FRYL: variants seen among roughly 807,000 people sequenced by gnomAD.
FRYL encodes protein furry homolog-like.
In FRYL, 150 loss-of-function variants were observed where a neutral mutation model predicts 351.2. That is an observed-to-expected ratio of 0.43 (90% CI 0.37 to 0.49). The LOEUF (loss-of-function observed/expected upper bound fraction) is 0.49, where lower values mean the gene tolerates loss of function less well. FRYL is among the 20% of genes least tolerant of loss of function. The pLI, the probability that FRYL is intolerant of heterozygous loss-of-function variation, is 0.00. For synonymous variants in FRYL, 1,153 were observed against 1,257.1 expected (o/e 0.92, Z 1.75); for missense variants, 3,036 against 3,619.3 (o/e 0.84, Z 4.13).
At chr4:48,537,038 C>T (rs1253929683) in intron 47 of FRYL, among the ~76,000 whole-genome samples, 1 of 151,732 alleles carries the variant, frequency 6.6e-6, no homozygotes, top group Non-Finnish European at 1.5e-5. Flanking sequence ...AAAACAGACA[C>T]CAGAAAGAAA....
chr4:48,692,665 G>A (rs1212449662), intron 2 of FRYL, among the ~76,000 whole-genome samples: 1 of 152,146 alleles, frequency 6.6e-6, no homozygotes, highest in Non-Finnish European at 1.5e-5. Context: ...AGTGCTGGGA[G>A]TACACTACTG....
At position 48,619,261 on chromosome 4, in the gene FRYL, TA is replaced by T; in HGVS notation, c.411+12del. 1.3e-6 allele frequency: 2 copies of T among 1,550,626 alleles called. No individual in the cohort carries two copies. Among genetic ancestry groups the T allele is most frequent in the Non-Finnish European group, 1.8e-6 (2 of 1,123,946 alleles). On this transcript the variant is annotated intron_variant, in intron 7 of 63. Coordinates refer to ENST00000358350, the MANE Select transcript of FRYL (RefSeq NM_015030.2). ...ATAAGGAATACAGACTTTGCAGAAA[TA>T]AAAGAGCTTACCTGCTTTAGAACTT...
At chr4:48,743,956 A>AC (rs980619464) in intron 1 of FRYL, among the ~76,000 whole-genome samples, 31 of 151,732 alleles carry the variant, frequency 2.0e-4, no homozygotes, top group Non-Finnish European at 4.3e-4. Flanking sequence ...TCTTCCCACC[A>AC]CCCCCATATA....
At chr4:48,603,069 G>C (rs1746024871) in intron 12 of FRYL, among the ~76,000 whole-genome samples, 1 of 152,144 alleles carries the variant, frequency 6.6e-6, no homozygotes, top group Non-Finnish European at 1.5e-5. Context: ...TACCTAGAAG[G>C]AAGTCTGAAC....
Position 48,581,545 on chromosome 4 carries a change from CATTGGAATAT to C in FRYL, c.2037_2046del (p.Asn682MetfsTer21). The C allele has an allele frequency of 6.2e-7, 1 of 1,613,776 alleles. No homozygotes were observed. The highest frequency in any genetic ancestry group is 8.5e-7 in the Non-Finnish European group (1 of 1,179,854). ...GCAAAGCCTTCAACCACATGGAATA[CATTGGAATAT>C]GGGCTCCTTTCCAGAGGAGGGGGAT... On this transcript the variant is annotated frameshift_variant, in exon 21 of 64. Transcript: ENST00000358350. LOFTEE classifies it high-confidence loss of function.
intron 26 of FRYL, chr4:48,571,768 G>T: frequency 1.0e-6 from 1 of 969,598 alleles, no homozygotes; most frequent in Non-Finnish European, 1.2e-6. Flanking sequence ...GAAGATTTCT[G>T]CAACTGGCTT....
chr4:48,501,855 G>C (rs533116905), intron 61 of FRYL, 122 bp from the exon 62 acceptor site: 85 of 649,940 alleles, frequency 1.3e-4, no homozygotes, highest in Middle Eastern at 1.1e-3. Flanking sequence ...AGTTAATATG[G>C]TATGAAGCTG....
At chr4:48,664,693 T>A (rs1761414035) in intron 3 of FRYL, among the ~76,000 whole-genome samples, 1 of 152,178 alleles carries the variant, frequency 6.6e-6, no homozygotes, top group South Asian at 2.1e-4. Context: ...CGGCATCTTG[T>A]TTATTTATGA....
chr4:48,524,403 C>T (rs1440362028), intron 53 of FRYL, among the ~76,000 whole-genome samples: 1 of 152,066 alleles, frequency 6.6e-6, no homozygotes, highest in African/African-American at 2.4e-5. Flanking sequence ...CATATCATTT[C>T]AAATATTATT....
At chr4:48,529,942 C>T (rs1421371474) in intron 50 of FRYL, among the ~76,000 whole-genome samples, 2 of 152,186 alleles carry the variant, frequency 1.3e-5, no homozygotes, top group African/African-American at 4.8e-5. Context: ...CTAAAATATC[C>T]AGTTTCTCAG....
intron 17 of FRYL, 44 bp downstream of exon 17, chr4:48,590,615 T>C: frequency 1.5e-6 from 2 of 1,371,308 alleles, no homozygotes; most frequent in Non-Finnish European, 2.0e-6. Context: ...TAAAAGAATA[T>C]GAAACTGTAT....
chr4:48,567,511 T>C lies in FRYL; in HGVS notation c.2997-91A>G. 1.1e-6 allele frequency: 1 copy of C among 906,070 alleles called. No individual in the cohort carries two copies. Among genetic ancestry groups the C allele is most frequent in the Non-Finnish European group, 1.6e-6 (1 of 623,208 alleles). The allele number at this position is 906,070 out of a possible 1,614,324, so 56.1% of individuals were successfully genotyped here. ...TAATACTCAAAATCAGAATAATACATGTTAATTTTGCATGCTCATGGCAGC... is the reference window on the plus strand; with the variant it reads ...TAATACTCAAAATCAGAATAATACACGTTAATTTTGCATGCTCATGGCAGC... On this transcript the variant is annotated intron_variant, in intron 27 of 63. Coordinates refer to ENST00000358350, the MANE Select transcript of FRYL (RefSeq NM_015030.2). This position sits in a 1 kb window ranked among gnomAD's most constrained non-coding sequence, Gnocchi z 4.2.
intron 1 of FRYL, among the ~76,000 whole-genome samples, chr4:48,772,740 C>G (rs1229236495): frequency 7.6e-6 from 1 of 130,956 alleles, no homozygotes; most frequent in Non-Finnish European, 1.6e-5. Context: ...AGTGGAAATA[C>G]TACACTGAAA....
At chr4:48,616,450 A>C (rs1749451347) in intron 7 of FRYL, among the ~76,000 whole-genome samples, 1 of 152,188 alleles carries the variant, frequency 6.6e-6, no homozygotes, top group Non-Finnish European at 1.5e-5. Flanking sequence ...TTTAATTCTT[A>C]TGATTCTACA....
At chr4:48,748,545 C>T (rs529902622) in intron 1 of FRYL, among the ~76,000 whole-genome samples, 13 of 152,296 alleles carry the variant, frequency 8.5e-5, no homozygotes, top group South Asian at 6.2e-4. Context: ...TGCCCAGACA[C>T]GGAAGACACA....
intron 45 of FRYL, among the ~76,000 whole-genome samples, chr4:48,541,720 G>A (rs914899859): frequency 2.0e-5 from 3 of 152,126 alleles, no homozygotes; most frequent in African/African-American, 7.2e-5. Flanking sequence ...TGTGAAAGGT[G>A]GGAGAGCCTT....
In FRYL at chr4:48,549,294, T is replaced by C. The variant is rs1732146789; in HGVS notation, c.4784+179A>G. The stretch of plus-strand genomic sequence containing the variant: ...AGAATTAGATTTAATAATATTAATT[T>C]TATAAAGTTAGAATTCTGAGTTTTT... On this transcript the variant is annotated intron_variant, in intron 39 of 63. Coordinates refer to ENST00000358350, the MANE Select transcript of FRYL (RefSeq NM_015030.2). The surrounding 1 kb of genome is among the most constrained non-coding windows in gnomAD (Gnocchi z 4.2). 6.6e-6 allele frequency among the ~76,000 whole-genome samples: 1 copy of C among 152,176 alleles called. No homozygotes were observed. Among genetic ancestry groups the C allele is most frequent in the Non-Finnish European group, 1.5e-5 (1 of 68,034 alleles).
intron 53 of FRYL, 63 bp downstream of exon 53, chr4:48,527,414 T>C: frequency 7.3e-7 from 1 of 1,363,230 alleles, no homozygotes; most frequent in Non-Finnish European, 1.0e-6. Flanking sequence ...GATCCTGTGA[T>C]CAAATCCTTA....
rs1385672876 is a variant in FRYL at position 48,634,416 on chromosome 4, T to C, written c.-6A>G. On this transcript the variant is annotated 5_prime_UTR_variant, in exon 4 of 64. The change creates a new upstream start codon in the 5' untranslated region. Coordinates refer to ENST00000358350, the MANE Select transcript of FRYL (RefSeq NM_015030.2). ...TCAATCGTAATGTTTGACATGATGA[T>C]ATTTTTTTTTCCCCAAGTGGAATGA... 2 of 1,612,574 alleles carry C rather than the reference T, an allele frequency of 1.2e-6. No individual in the cohort carries two copies. Among genetic ancestry groups the C allele is most frequent in the Non-Finnish European group, 1.7e-6 (2 of 1,178,850 alleles).
Sources: gnomAD v4.1 joint callset for allele counts (sites outside exome capture counted in the v4.1 genomes callset) on GRCh38, gnomAD v4.1.1 for gene constraint, Gnocchi (gnomAD v3.1) non-coding constraint, MANE v1.5 for transcripts, NCBI Gene and HGNC (gene_info 2026-07-23, HGNC 2026-07-21) for gene names.